The following GRID2IP variants were observed in gnomAD, a reference collection of about 807,000 sequenced individuals.
GRID2IP encodes Grid2 interacting protein.
Under a neutral mutation model 114.3 loss-of-function variants are expected in GRID2IP, and 78 were observed. The observed-to-expected ratio is 0.68, with a 90% CI of 0.57 to 0.82. The LOEUF (loss-of-function observed/expected upper bound fraction) is 0.82, where lower values mean the gene tolerates loss of function less well. GRID2IP is among the 40% of genes least tolerant of loss of function. The pLI, the probability that GRID2IP is intolerant of heterozygous loss-of-function variation, is 0.00. For synonymous variants in GRID2IP, 809 were observed against 724.0 expected, an observed-to-expected ratio of 1.12 and a Z score of -1.89; for missense variants, 1,727 against 1,678.5, an observed-to-expected ratio of 1.03 and a Z score of -0.51.
chr7:6,525,826 C>T (rs148311557), intron 4 of GRID2IP, among the ~76,000 whole-genome samples: 6 of 152,084 alleles, frequency 3.9e-5, no homozygotes, highest in Non-Finnish European at 5.9e-5. Flanking sequence ...CCATGAAGCT[C>T]GTGTTGCTGG....
Position 6,520,482 on chromosome 7 carries a change from A to C in GRID2IP, c.1268+96T>G. On this transcript the variant is annotated intron_variant, in intron 7 of 21. Transcript: ENST00000457091. The surrounding 1 kb of genome is among the most constrained non-coding windows in gnomAD (Gnocchi z 4.6). The stretch of plus-strand genomic sequence containing the variant: ...CCTGAGCATCCCCCAGGAGAACGGG[A>C]CTGAGGAGGTTCAGGCAGGGAGACT... 1 of 1,328,730 alleles carries C rather than the reference A, an allele frequency of 7.5e-7. No individual in the cohort carries two copies. Among genetic ancestry groups the C allele is most frequent in the South Asian group, 1.4e-5 (1 of 70,652 alleles). The allele number at this position is 1,328,730 out of a possible 1,614,324, so 82.3% of individuals were successfully genotyped here.
chr7:6,537,370 CTTTTTTTT>C, intron 2 of GRID2IP, among the ~76,000 whole-genome samples: 1 of 58,376 alleles, frequency 1.7e-5, no homozygotes, highest in East Asian at 5.7e-4. Flanking sequence ...ATGGTGAGAC[CTTTTTTTT>C]TTTTTTTTTT....
At position 6,509,052 on chromosome 7, in the gene GRID2IP, T is replaced by C; in HGVS notation, c.2033A>G (p.Asp678Gly). ...FTFSHPVRSR[D>G]TDRFLDVLSE... ...CAGCACGTCCAGGAAGCGGTCAGTA[T>C]CGCGGCTTCGCACAGGGTGGGAGAA... The change falls in exon 12 of 22, where the codon GAT becomes GGT. Residue 678 changes from aspartate to glycine, a missense_variant. Transcript: ENST00000457091. The surrounding 1 kb of genome is among the most constrained non-coding windows in gnomAD (Gnocchi z 4.9). 6.9e-7 allele frequency: 1 copy of C among 1,455,294 alleles called. No homozygotes were observed. The highest frequency in any genetic ancestry group is 9.2e-7 in the Non-Finnish European group (1 of 1,091,344). 90.1% of individuals were successfully genotyped at this position (1,455,294 alleles called of 1,614,324 possible). A position where few individuals can be genotyped will look rare whatever the true frequency, so the allele number is the denominator to read the frequency against.
At chr7:6,540,036 T>C (rs1562524881) in intron 1 of GRID2IP, among the ~76,000 whole-genome samples, 164 bp from the exon 2 acceptor site, 6 of 142,578 alleles carry the variant, frequency 4.2e-5, no homozygotes, top group African/African-American at 1.8e-4. Flanking sequence ...TTCCTTCCTT[T>C]CTCTTTCTCT....
intron 20 of GRID2IP, 47 bp downstream of exon 20, chr7:6,501,734 C>T: frequency 2.1e-6 from 3 of 1,415,338 alleles, no homozygotes; most frequent in Non-Finnish European, 2.0e-6. Context: ...TCTACCCAAC[C>T]ACCCCAGGAT....
In GRID2IP at chr7:6,506,679, G is replaced by GTT. The variant is rs750118370; in HGVS notation, c.2545-773_2545-772insAA. Reference sequence around the variant, plus strand: ...TTATTTGTGCCCTTGTCTCACTGAGGTATTTTTTTTTTTTTTTTTTTAGAT... The same window carrying GTT: ...TTATTTGTGCCCTTGTCTCACTGAGGTTTATTTTTTTTTTTTTTTTTTTAGAT... On this transcript the variant is annotated intron_variant, in intron 13 of 21. Transcript: ENST00000457091. This position sits in a 1 kb window ranked among gnomAD's most constrained non-coding sequence, Gnocchi z 5.2. Among the ~76,000 whole-genome samples the GTT allele has an allele frequency of 3.6e-4, 46 of 127,274 alleles. 9 individuals carry two copies. The highest frequency in any genetic ancestry group is 7.1e-4 in the Admixed American group (9 of 12,614). The allele number at this position is 127,274 out of a possible 152,430, so 83.5% of individuals were successfully genotyped here. A position where few individuals can be genotyped will look rare whatever the true frequency, so the allele number is the denominator to read the frequency against.
rs1786592956 is a variant in GRID2IP, at chr7:6,506,524, T to TG, written c.2545-618dup. ...GGGACACTGAGGATGGATTTGGGTTTGGCCACATGTGTGACCTGTGTCCCT... is the reference window on the plus strand; with the variant it reads ...GGGACACTGAGGATGGATTTGGGTTTGGGCCACATGTGTGACCTGTGTCCCT... On this transcript the variant is annotated intron_variant, in intron 13 of 21. Transcript: ENST00000457091. The surrounding 1 kb of genome is among the most constrained non-coding windows in gnomAD (Gnocchi z 5.2). Among the ~76,000 whole-genome samples the TG allele has an allele frequency of 1.3e-5, 2 of 152,174 alleles. No individual in the cohort carries two copies. The highest frequency in any genetic ancestry group is 4.8e-5 in the African/African-American group (2 of 41,442).
Position 6,531,471 on chromosome 7 carries a change from A to G in GRID2IP, c.585-4702T>C, listed in dbSNP as rs954439847. ...ACACAGTGGCGAGTCCCCGCAGTTC[A>G]GAGGAAGCCCCGACGGCCTTTGGTA... On this transcript the variant is annotated intron_variant, in intron 2 of 21. Transcript: ENST00000457091. Among the ~76,000 whole-genome samples, 31 of 152,228 alleles carry G rather than the reference A, an allele frequency of 2.0e-4. 1 individual carries two copies. Among genetic ancestry groups the G allele is most frequent in the Non-Finnish European group, 8.8e-5 (6 of 68,022 alleles).
Position 6,551,076 on chromosome 7 carries a change from C to T in GRID2IP, c.361G>A (p.Ala121Thr), listed in dbSNP as rs1315814316. Residue 121 changes from alanine (A) to threonine (T), a missense_variant, in exon 1 of 22, where the codon GCC becomes ACC. Coordinates refer to ENST00000457091, the MANE Select transcript of GRID2IP (RefSeq NM_001145118.2). ...LALGRELLRL[A>T]GRKRPDAVHR... ...ACCGCGTCCGGGCGCTTGCGGCCGGCCAGGCGAAGCAGCTCACGGCCCAGA... is the reference window on the plus strand; with the variant it reads ...ACCGCGTCCGGGCGCTTGCGGCCGGTCAGGCGAAGCAGCTCACGGCCCAGA... 1 of 1,313,938 alleles carries T rather than the reference C, an allele frequency of 7.6e-7. No individual in the cohort carries two copies. 81.4% of individuals were successfully genotyped at this position (1,313,938 alleles called of 1,614,324 possible). A position where few individuals can be genotyped will look rare whatever the true frequency, so the allele number is the denominator to read the frequency against.
In GRID2IP at chr7:6,519,595, TA is replaced by T. The variant is rs1372873521; in HGVS notation, c.1268+982del. Among the ~76,000 whole-genome samples the T allele has an allele frequency of 1.3e-5, 2 of 151,758 alleles. No homozygotes were observed. The highest frequency in any genetic ancestry group is 4.8e-5 in the African/African-American group (2 of 41,340). ...CAACATGGAGAAACCCTATCTCTAC[TA>T]AAAGTACAAAATTAGCCAGGCGTGG... On this transcript the variant is annotated intron_variant, in intron 7 of 21. Transcript: ENST00000457091. This position sits in a 1 kb window ranked among gnomAD's most constrained non-coding sequence, Gnocchi z 4.1.
At chr7:6,498,762 T>C (rs1334826389) in intron 20 of GRID2IP, among the ~76,000 whole-genome samples, 2 of 151,620 alleles carry the variant, frequency 1.3e-5, no homozygotes, top group Non-Finnish European at 2.9e-5. Flanking sequence ...AATTTTTTGA[T>C]TTTTAAAATA....
Position 6,507,203 on chromosome 7 carries a change from G to A in GRID2IP, c.2544+782C>T, listed in dbSNP as rs1490242681. 6.6e-6 allele frequency among the ~76,000 whole-genome samples: 1 copy of A among 152,184 alleles called. No individual in the cohort carries two copies. Among genetic ancestry groups the A allele is most frequent in the Non-Finnish European group, 1.5e-5 (1 of 68,044 alleles). ...TGGGACGGGGCAGCCCTGGGAGCTG[G>A]AAGGAGCCCCTGCCATATTAAAAGG... is the stretch of plus-strand genomic sequence containing the variant. On this transcript the variant is annotated intron_variant, in intron 13 of 21. Transcript: ENST00000457091. This position sits in a 1 kb window ranked among gnomAD's most constrained non-coding sequence, Gnocchi z 5.3.
At chr7:6,503,426 C>T in intron 16 of GRID2IP, 65 bp downstream of exon 16, 1 of 1,409,234 alleles carries the variant, frequency 7.1e-7, no homozygotes, top group East Asian at 2.6e-5. Context: ...CCCAGCAGCC[C>T]TGGCCACAGC....
rs1017089976 is a variant in GRID2IP at position 6,532,529 on chromosome 7, C to A, written c.585-5760G>T. Among the ~76,000 whole-genome samples, 1 of 152,134 alleles carries A rather than the reference C, an allele frequency of 6.6e-6. No homozygotes were observed. The highest frequency in any genetic ancestry group is 1.5e-5 in the Non-Finnish European group (1 of 68,024). On this transcript the variant is annotated intron_variant, in intron 2 of 21. Coordinates refer to ENST00000457091, the MANE Select transcript of GRID2IP (RefSeq NM_001145118.2). The surrounding 1 kb of genome is among the most constrained non-coding windows in gnomAD (Gnocchi z 4.4). ...TTGCAAGACCATCACTTTGCTGTGACCCCCCGTGGCTGTACTTCTTCCTGG... is the reference window on the plus strand; with the variant it reads ...TTGCAAGACCATCACTTTGCTGTGAACCCCCGTGGCTGTACTTCTTCCTGG...
chr7:6,522,441 C>A (rs1232365884), intron 4 of GRID2IP, among the ~76,000 whole-genome samples: 1 of 152,074 alleles, frequency 6.6e-6, no homozygotes, highest in East Asian at 1.9e-4. Context: ...TAGCCCCACA[C>A]AGAAAGGTCC....
intron 11 of GRID2IP, 56 bp downstream of exon 11, chr7:6,510,214 CAGCTCCAGGGCTG>C: frequency 9.7e-7 from 1 of 1,029,104 alleles, no homozygotes; most frequent in Non-Finnish European, 1.4e-6. Context: ...AGCAGAGAAG[CAGCTCCAGGGCTG>C]AGCCTGGGGT....
At chr7:6,510,581 C>A in intron 10 of GRID2IP, 28 bp downstream of exon 10, 1 of 1,489,688 alleles carries the variant, frequency 6.7e-7, no homozygotes, top group Non-Finnish European at 9.0e-7. Flanking sequence ...CCCTACTGAC[C>A]CCACGTGGAG....
intron 1 of GRID2IP, among the ~76,000 whole-genome samples, chr7:6,540,941 A>C (rs912320807): frequency 2.0e-5 from 3 of 151,980 alleles, no homozygotes; most frequent in African/African-American, 7.3e-5. Context: ...GGCTCAAGTG[A>C]TCCTCCCTCT....
In GRID2IP at chr7:6,503,423, G is replaced by A. The variant is rs2115353945; in HGVS notation, c.2907+68C>T. 9 of 1,400,728 alleles carry A rather than the reference G, an allele frequency of 6.4e-6. No individual in the cohort carries two copies. In the African/African-American group the frequency reaches 7.4e-5, roughly 11 times the overall value. 86.8% of individuals were successfully genotyped at this position (1,400,728 alleles called of 1,614,324 possible). A position where few individuals can be genotyped will look rare whatever the true frequency, so the allele number is the denominator to read the frequency against. On this transcript the variant is annotated intron_variant, in intron 16 of 21. Transcript: ENST00000457091. ...CCCGAAGGCGCGCGGGACCCCAGCA[G>A]CCCTGGCCACAGCGACAGCCCCTGT...
Sources: gnomAD v4.1 joint callset for allele counts (sites outside exome capture counted in the v4.1 genomes callset) on GRCh38, gnomAD v4.1.1 for gene constraint, Gnocchi (gnomAD v3.1) non-coding constraint, MANE v1.5 for transcripts, NCBI Gene and HGNC (gene_info 2026-07-23, HGNC 2026-07-21) for gene names.